PDGFC: variants seen among roughly 807,000 people sequenced by gnomAD.
PDGFC encodes platelet-derived growth factor C.
A neutral mutation model predicts 35.5 loss-of-function variants in PDGFC; 12 were observed. The ratio of observed to expected loss-of-function variants is 0.34; its 90% CI spans 0.22 to 0.55. PDGFC has a LOEUF of 0.55. Ranked by LOEUF, PDGFC falls within the 20% of genes least tolerant of loss-of-function variation. The pLI is 0.91. For missense variants in PDGFC, 322 were observed against 412.4 expected (o/e 0.78, Z 1.90); for synonymous variants, 159 against 148.8 (o/e 1.07, Z -0.50).
At chr4:156,906,805 T>C (rs1340330532) in intron 1 of PDGFC, among the ~76,000 whole-genome samples, 1 of 152,178 alleles carries the variant, frequency 6.6e-6, no homozygotes, top group African/African-American at 2.4e-5. Flanking sequence ...TAATCATACG[T>C]TTCCCTTAAT....
chr4:156,937,637 G>C (rs1731715208), intron 1 of PDGFC, among the ~76,000 whole-genome samples: 1 of 152,154 alleles, frequency 6.6e-6, no homozygotes, highest in African/African-American at 2.4e-5. Context: ...GGAGGTTGGC[G>C]CTGCAGTGAG....
chr4:156,904,479 T>C (rs1730867217), intron 1 of PDGFC, among the ~76,000 whole-genome samples: 2 of 152,108 alleles, frequency 1.3e-5, no homozygotes, highest in Non-Finnish European at 2.9e-5. Flanking sequence ...AATTTATCTT[T>C]CACATAATAA....
In PDGFC at chr4:156,825,617, G is replaced by T. The variant is rs914358274; in HGVS notation, c.315-14600C>A. 1.1e-3 allele frequency among the ~76,000 whole-genome samples: 159 copies of T among 142,346 alleles called. 2 individuals are homozygous for T. The highest frequency in any genetic ancestry group is 3.1e-3 in the African/African-American group (117 of 38,118). 93.4% of individuals were successfully genotyped at this position (142,346 alleles called of 152,430 possible). ...ATAAGAAGAAGAAGAAGAAGAAGAA[G>T]AAGAAGAAGAAGAAGAAGAAGAAGA... is the stretch of plus-strand genomic sequence containing the variant. On this transcript the variant is annotated intron_variant, in intron 2 of 5. Coordinates refer to ENST00000502773, the MANE Select transcript of PDGFC (RefSeq NM_016205.3).
intron 3 of PDGFC, among the ~76,000 whole-genome samples, chr4:156,802,790 C>A (rs1305683757): frequency 6.6e-6 from 1 of 152,102 alleles, no homozygotes; most frequent in Non-Finnish European, 1.5e-5. Context: ...AGCCCATCCA[C>A]AGGCACAGAA....
At chr4:156,947,855 G>A (rs917274903) in intron 1 of PDGFC, among the ~76,000 whole-genome samples, 3 of 151,964 alleles carry the variant, frequency 2.0e-5, no homozygotes, top group African/African-American at 7.2e-5. Context: ...TAAAAGCAAA[G>A]TAGCAATAAA....
intron 1 of PDGFC, among the ~76,000 whole-genome samples, chr4:156,911,672 G>C (rs898116797): frequency 1.3e-5 from 2 of 152,044 alleles, no homozygotes; most frequent in African/African-American, 2.4e-5. Context: ...AAATAACTTG[G>C]TCAACTGACA....
chr4:156,949,995 A>C (rs1203291985), intron 1 of PDGFC, among the ~76,000 whole-genome samples: 1 of 151,968 alleles, frequency 6.6e-6, no homozygotes, highest in African/African-American at 2.4e-5. Flanking sequence ...AACAACCACC[A>C]GCACTACCTA....
At chr4:156,794,107 C>A (rs1330813652) in intron 3 of PDGFC, among the ~76,000 whole-genome samples, 1 of 152,084 alleles carries the variant, frequency 6.6e-6, no homozygotes, top group Non-Finnish European at 1.5e-5. Flanking sequence ...TGGATTATGG[C>A]AGCTTGTAAG....
Position 156,868,983 on chromosome 4 carries a change from G to C in PDGFC, c.119-18567C>G, listed in dbSNP as rs1046284837. Among the ~76,000 whole-genome samples, 3 of 152,056 alleles carry C rather than the reference G, an allele frequency of 2.0e-5. No homozygotes were observed. In the East Asian group the frequency reaches 5.8e-4, roughly 29 times the overall value. On this transcript the variant is annotated intron_variant, in intron 1 of 5. Coordinates refer to ENST00000502773, the MANE Select transcript of PDGFC (RefSeq NM_016205.3). Reference sequence around the variant, plus strand: ...TCAATATATCCTACTGCAAACTCACGATCAGTTTAGGAACTCTAGTTTCTC... The same window carrying C: ...TCAATATATCCTACTGCAAACTCACCATCAGTTTAGGAACTCTAGTTTCTC...
At chr4:156,955,294 T>C (rs1167794600) in intron 1 of PDGFC, among the ~76,000 whole-genome samples, 2 of 152,012 alleles carry the variant, frequency 1.3e-5, no homozygotes, top group Admixed American at 1.3e-4. Flanking sequence ...AGCCTCTAGC[T>C]TCTCTGTCCT....
At chr4:156,954,623 G>T (rs1233287147) in intron 1 of PDGFC, among the ~76,000 whole-genome samples, 2 of 151,886 alleles carry the variant, frequency 1.3e-5, no homozygotes, top group Non-Finnish European at 2.9e-5. Flanking sequence ...TCCTGGAAAT[G>T]ATACATTTTT....
intron 1 of PDGFC, among the ~76,000 whole-genome samples, chr4:156,876,234 G>A (rs996480906): frequency 2.0e-5 from 3 of 151,996 alleles, no homozygotes; most frequent in African/African-American, 7.2e-5. Context: ...TAAAATGTTG[G>A]GGAAAAGTTC....
intron 5 of PDGFC, among the ~76,000 whole-genome samples, chr4:156,766,846 C>G (rs879316140): frequency 1.3e-5 from 2 of 152,036 alleles, no homozygotes; most frequent in Non-Finnish European, 2.9e-5. Flanking sequence ...ACAAGGGACC[C>G]TGTTTCCATT....
intron 3 of PDGFC, among the ~76,000 whole-genome samples, chr4:156,799,703 G>A (rs1731546687): frequency 6.6e-6 from 1 of 152,018 alleles, no homozygotes; most frequent in Admixed American, 6.6e-5. Flanking sequence ...CATGGAACTG[G>A]GTAATTTTGC....
intron 1 of PDGFC, among the ~76,000 whole-genome samples, chr4:156,959,333 T>C (rs1732284639): frequency 6.6e-6 from 1 of 151,840 alleles, no homozygotes; most frequent in Non-Finnish European, 1.5e-5. Flanking sequence ...TAAAACATAA[T>C]ACACACCCCT....
intron 2 of PDGFC, among the ~76,000 whole-genome samples, chr4:156,833,057 G>C (rs1560832385): frequency 6.6e-6 from 1 of 152,210 alleles, no homozygotes; most frequent in African/African-American, 2.4e-5. Context: ...CCACATTCAA[G>C]TGGTGAATTT....
intron 1 of PDGFC, among the ~76,000 whole-genome samples, chr4:156,943,650 A>T (rs1414253069): frequency 6.6e-6 from 1 of 151,952 alleles, no homozygotes; most frequent in Non-Finnish European, 1.5e-5. Flanking sequence ...AAACCCCTAC[A>T]TTCATTTTCA....
At chr4:156,849,200 C>T (rs2111078719) in intron 2 of PDGFC, among the ~76,000 whole-genome samples, 1 of 152,078 alleles carries the variant, frequency 6.6e-6, no homozygotes, top group East Asian at 1.9e-4. Context: ...CTCTGGTAGT[C>T]TTCTAAAGAT....
chr4:156,915,092 C>T (rs1404599052), intron 1 of PDGFC, among the ~76,000 whole-genome samples: 1 of 152,108 alleles, frequency 6.6e-6, no homozygotes, highest in Non-Finnish European at 1.5e-5. Flanking sequence ...AAAAATGCTG[C>T]TAAAGTCCTA....
Sources: allele counts gnomAD v4.1 joint callset (sites outside exome capture counted in the v4.1 genomes callset), GRCh38; gene constraint gnomAD v4.1.1; transcripts MANE v1.5; gene names NCBI Gene and HGNC (gene_info 2026-07-23, HGNC 2026-07-21).